Variants in USH2A observed in about 807,000 individuals in gnomAD.
The protein encoded by USH2A is usherin, also known as Usher syndrome 2A (autosomal recessive, mild).
In USH2A, 443 loss-of-function variants were observed where a neutral mutation model predicts 538.9. That is an observed-to-expected ratio of 0.82 (90% CI 0.76 to 0.89). The LOEUF is 0.89. USH2A is among the 40% of genes least tolerant of loss of function. USH2A has a pLI of 0.00. For synonymous variants in USH2A, 2,413 were observed against 2,273.5 expected (o/e 1.06, Z -1.75); for missense variants, 6,633 against 6,324.8 (o/e 1.05, Z -1.65).
chr1:215,694,606 A>G (rs1167369842), intron 61 of USH2A, among the ~76,000 whole-genome samples: 1 of 152,168 alleles, frequency 6.6e-6, no homozygotes, highest in Non-Finnish European at 1.5e-5. Flanking sequence ...CAAGGCATTC[A>G]AAATTTCTTT....
At chr1:215,645,998 T>C (rs905242496) in intron 67 of USH2A, among the ~76,000 whole-genome samples, 3 of 151,494 alleles carry the variant, frequency 2.0e-5, no homozygotes, top group African/African-American at 7.3e-5. Flanking sequence ...GGCTAAAGAG[T>C]TTTTTTAATG....
intron 20 of USH2A, among the ~76,000 whole-genome samples, chr1:216,186,220 G>T (rs1193790594): frequency 1.4e-5 from 2 of 147,254 alleles, no homozygotes. Flanking sequence ...TTTTAGCAAA[G>T]AATAAAAAAA....
intron 21 of USH2A, among the ~76,000 whole-genome samples, chr1:216,170,444 C>T (rs918805322): frequency 5.9e-5 from 9 of 152,022 alleles, no homozygotes; most frequent in Non-Finnish European, 1.0e-4. Flanking sequence ...AATCACATTT[C>T]TCGTGAAGAC....
At chr1:216,244,672 G>T (rs2036001871) in intron 13 of USH2A, among the ~76,000 whole-genome samples, 1 of 152,134 alleles carries the variant, frequency 6.6e-6, no homozygotes, top group Admixed American at 6.5e-5. Context: ...GCAATGATAT[G>T]CAAAACAACC....
chr1:215,624,646 G>T lies in USH2A; in HGVS notation c.*1135C>A, dbSNP rs1009111324. 2.6e-5 allele frequency: 4 copies of T among 152,114 alleles called. No individual in the cohort carries two copies. The highest frequency in any genetic ancestry group is 9.7e-5 in the African/African-American group (4 of 41,426). The allele number at this position is 152,114 out of a possible 1,614,324, so 9.4% of individuals were successfully genotyped here. On this transcript the variant is annotated 3_prime_UTR_variant, in exon 72 of 72. Coordinates refer to ENST00000307340, the MANE Select transcript of USH2A (RefSeq NM_206933.4). Reference sequence around the variant, plus strand: ...CACCAATGACTTTGTAATCCAACTAGAGCAGGTGACAGACATTTTTGAACC... The same window carrying T: ...CACCAATGACTTTGTAATCCAACTATAGCAGGTGACAGACATTTTTGAACC...
intron 14 of USH2A, among the ~76,000 whole-genome samples, chr1:216,230,040 A>G (rs2035645515): frequency 6.6e-6 from 1 of 152,196 alleles, no homozygotes; most frequent in Admixed American, 6.5e-5. Context: ...CCCTGGGAAG[A>G]CTGACAAAGG....
chr1:215,917,571 A>G (rs1020342968), intron 38 of USH2A, among the ~76,000 whole-genome samples: 7 of 151,924 alleles, frequency 4.6e-5, no homozygotes, highest in Non-Finnish European at 1.0e-4. Context: ...ATTCAAGCTC[A>G]AGTCAAAGCC....
intron 9 of USH2A, 125 bp from the exon 10 acceptor site, chr1:216,292,495 T>G: frequency 1.9e-6 from 2 of 1,056,436 alleles, no homozygotes; most frequent in African/African-American, 3.2e-5. Flanking sequence ...AGCAATGATT[T>G]TATTTGAAAA....
chr1:216,111,221 A>G (rs867452095), intron 21 of USH2A, among the ~76,000 whole-genome samples: 68 of 152,180 alleles, frequency 4.5e-4, no homozygotes, highest in African/African-American at 1.6e-3. Flanking sequence ...ACTGAGTGAG[A>G]CTCCATCTCA....
chr1:216,150,800 G>A (rs999784335), intron 21 of USH2A, among the ~76,000 whole-genome samples: 8 of 151,854 alleles, frequency 5.3e-5, no homozygotes, highest in Middle Eastern at 3.2e-3. Context: ...TGTATCTCTC[G>A]GCAAAGACCC....
chr1:216,335,344 T>C (rs2102670556), intron 4 of USH2A, among the ~76,000 whole-genome samples: 1 of 151,548 alleles, frequency 6.6e-6, no homozygotes, highest in African/African-American at 2.4e-5. Context: ...GAGAAATTTA[T>C]TAAATCAATA....
rs78941215 is a variant in USH2A, at chr1:215,914,408, A to G, written c.7301-13503T>C. ...ATTTGCATTTTTGTAAAACGAGAGA[A>G]TCACAGTAAATCAATTAACTTTTCT... On this transcript the variant is annotated intron_variant, in intron 38 of 71. Transcript: ENST00000307340. Among the ~76,000 whole-genome samples the G allele has an allele frequency of 3.9e-3, 588 of 152,206 alleles. 6 individuals carry two copies. Among genetic ancestry groups the G allele is most frequent in the African/African-American group, 0.014 (563 of 41,552 alleles).
intron 4 of USH2A, among the ~76,000 whole-genome samples, chr1:216,332,497 G>A (rs2037887502): frequency 6.6e-6 from 1 of 152,092 alleles, no homozygotes; most frequent in South Asian, 2.1e-4. Flanking sequence ...TATGTGCTCA[G>A]GTATATGCGC....
intron 9 of USH2A, among the ~76,000 whole-genome samples, chr1:216,296,032 A>G (rs1176993491): frequency 6.6e-6 from 1 of 152,046 alleles, no homozygotes; most frequent in Non-Finnish European, 1.5e-5. Flanking sequence ...GAGAAGATAA[A>G]ACATAAGAAT....
chr1:216,232,198 T>C, intron 13 of USH2A, 62 bp from the exon 14 acceptor site: 3 of 1,518,778 alleles, frequency 2.0e-6, no homozygotes, highest in Non-Finnish European at 2.7e-6. Flanking sequence ...ATTTAAAGCA[T>C]AATAATTGAT....
intron 3 of USH2A, among the ~76,000 whole-genome samples, chr1:216,366,859 C>T (rs140715894): frequency 7.2e-5 from 11 of 152,240 alleles, no homozygotes; most frequent in Admixed American, 7.2e-4. Context: ...AGTAGGGCTG[C>T]ATTTTTTTTG....
chr1:215,888,777 C>T lies in USH2A; in HGVS notation c.7872G>A (p.Pro2624=), dbSNP rs760006240. ...ACAGCTCTGGACTTGGGATCCCTTC[C>T]GGTGCCCCTGGGAGTGTCCATACAG... The part of the protein sequence containing the change: ...SQTVWTLPGA[P]EGIPSPELFS... Residue 2624 remains proline, a synonymous_variant, in exon 41 of 72, where the codon CCG becomes CCA. Transcript: ENST00000307340. 36 of 1,613,924 alleles carry T rather than the reference C, an allele frequency of 2.2e-5. No individual in the cohort carries two copies. Among genetic ancestry groups the T allele is most frequent in the South Asian group, 4.4e-5 (4 of 91,078 alleles).
intron 22 of USH2A, among the ~76,000 whole-genome samples, chr1:216,091,791 T>C (rs1284716164): frequency 6.6e-6 from 1 of 152,222 alleles, no homozygotes; most frequent in African/African-American, 2.4e-5. Context: ...CTTGAAATTC[T>C]CTTCATAATT....
At chr1:216,009,146 T>C (rs949307376) in intron 32 of USH2A, among the ~76,000 whole-genome samples, 1 of 151,944 alleles carries the variant, frequency 6.6e-6, no homozygotes, top group African/African-American at 2.4e-5. Flanking sequence ...CCCCAATCCC[T>C]TATTTCCATG....
Sources: allele counts gnomAD v4.1 joint callset (sites outside exome capture counted in the v4.1 genomes callset), GRCh38; gene constraint gnomAD v4.1.1; transcripts MANE v1.5; gene names NCBI Gene and HGNC (gene_info 2026-07-23, HGNC 2026-07-21).